The following MAP4K3 variants were observed in gnomAD, a reference collection of about 807,000 sequenced individuals.
The protein encoded by MAP4K3 is MAPK/ERK kinase kinase kinase 3.
Under a neutral mutation model 143.5 loss-of-function variants are expected in MAP4K3, and 94 were observed. That is an observed-to-expected ratio of 0.65 (90% CI 0.55 to 0.78). The LOEUF (loss-of-function observed/expected upper bound fraction) is 0.78, where lower values mean the gene tolerates loss of function less well. Among genes scored for constraint, MAP4K3 ranks in the 30% least tolerant of loss-of-function variants. The pLI, the probability that MAP4K3 is intolerant of heterozygous loss-of-function variation, is 0.00. For missense variants in MAP4K3, 1,077 were observed against 1,068.1 expected, an observed-to-expected ratio of 1.01 and a Z score of -0.12; for synonymous variants, 416 against 347.2, an observed-to-expected ratio of 1.20 and a Z score of -2.20.
chr2:39,369,494 C>T (rs1666022654), intron 2 of MAP4K3, among the ~76,000 whole-genome samples: 1 of 152,080 alleles, frequency 6.6e-6, no homozygotes. Flanking sequence ...ATCAGTTTTC[C>T]ACTTCTTATT....
At chr2:39,325,397 C>G in intron 12 of MAP4K3, 121 bp downstream of exon 12, 1 of 561,648 alleles carries the variant, frequency 1.8e-6, no homozygotes, top group Non-Finnish European at 3.1e-6. Flanking sequence ...CCCTCAAGAG[C>G]TTTTTTATTT....
chr2:39,257,437 A>G (rs1680386362), intron 31 of MAP4K3, among the ~76,000 whole-genome samples: 1 of 152,232 alleles, frequency 6.6e-6, no homozygotes, highest in Non-Finnish European at 1.5e-5. Flanking sequence ...ACTAAATTTT[A>G]AAGCACTTAT....
intron 12 of MAP4K3, among the ~76,000 whole-genome samples, chr2:39,319,633 T>C (rs1054458718): frequency 6.6e-6 from 1 of 152,202 alleles, no homozygotes; most frequent in African/African-American, 2.4e-5. Context: ...CAAACATCTC[T>C]TAAAATTCAA....
chr2:39,396,789 T>C (rs887482873), intron 1 of MAP4K3, among the ~76,000 whole-genome samples: 1 of 152,210 alleles, frequency 6.6e-6, no homozygotes, highest in Non-Finnish European at 1.5e-5. Flanking sequence ...TTTTAACTTA[T>C]GAAAGTTTTT....
At chr2:39,304,094 G>A (rs548454663) in intron 15 of MAP4K3, among the ~76,000 whole-genome samples, 1 of 150,100 alleles carries the variant, frequency 6.7e-6, no homozygotes, top group East Asian at 1.9e-4. Context: ...TTCTCATACT[G>A]TCAATTCTAA....
chr2:39,250,542 C>T lies in MAP4K3; in HGVS notation c.*76G>A, dbSNP rs966960737. 5.2e-6 allele frequency: 7 copies of T among 1,342,080 alleles called. No homozygotes were observed. In the African/African-American group the frequency reaches 7.3e-5, roughly 14 times the overall value. The allele number at this position is 1,342,080 out of a possible 1,614,324, so 83.1% of individuals were successfully genotyped here. ...AAGACAGGTTACTGCAGCTTTTGTA[C>T]AGCTTCAAGCATCCATTAATGTTGC... On this transcript the variant is annotated 3_prime_UTR_variant, in exon 34 of 34. Coordinates refer to ENST00000263881, the MANE Select transcript of MAP4K3 (RefSeq NM_003618.4).
chr2:39,308,223 G>C (rs972652480), intron 14 of MAP4K3, among the ~76,000 whole-genome samples: 1 of 152,096 alleles, frequency 6.6e-6, no homozygotes, highest in African/African-American at 2.4e-5. Flanking sequence ...TTTAAATACA[G>C]GCAATGCCAA....
At chr2:39,307,671 A>C (rs1455950289) in intron 15 of MAP4K3, among the ~76,000 whole-genome samples, 3 of 151,906 alleles carry the variant, frequency 2.0e-5, no homozygotes, top group Non-Finnish European at 4.4e-5. Flanking sequence ...CATTTCTTAA[A>C]AAAAAAACCC....
At chr2:39,330,650 C>A (rs991692372) in intron 8 of MAP4K3, among the ~76,000 whole-genome samples, 1 of 151,864 alleles carries the variant, frequency 6.6e-6, no homozygotes, top group East Asian at 1.9e-4. Context: ...AAAACAAAAA[C>A]AAAAATAAAG....
At chr2:39,275,881 A>G (rs1023957902) in intron 24 of MAP4K3, among the ~76,000 whole-genome samples, 4 of 151,694 alleles carry the variant, frequency 2.6e-5, no homozygotes, top group Non-Finnish European at 4.4e-5. Context: ...TTTTATTTTT[A>G]TTTTGTTTTG....
chr2:39,274,033 G>A (rs1342029380), intron 24 of MAP4K3, among the ~76,000 whole-genome samples: 4 of 152,060 alleles, frequency 2.6e-5, no homozygotes, highest in Non-Finnish European at 4.4e-5. Context: ...ATACTACATC[G>A]ATGGTTTACT....
chr2:39,418,859 A>G (rs985325272), intron 1 of MAP4K3, among the ~76,000 whole-genome samples: 4 of 152,246 alleles, frequency 2.6e-5, no homozygotes, highest in Non-Finnish European at 5.9e-5. Context: ...TTAAGGGGAC[A>G]TAGTAACTAG....
chr2:39,373,003 C>A (rs1293643800), intron 2 of MAP4K3, among the ~76,000 whole-genome samples: 2 of 152,106 alleles, frequency 1.3e-5, no homozygotes, highest in Non-Finnish European at 2.9e-5. Context: ...GAAGAGACAA[C>A]CCCATGAATG....
At position 39,334,502 on chromosome 2, in the gene MAP4K3, C is replaced by T. The variant is rs549136346; in HGVS notation, c.415-928G>A. 2.0e-5 allele frequency among the ~76,000 whole-genome samples: 3 copies of T among 152,220 alleles called. No homozygotes were observed. In the South Asian group the frequency reaches 6.2e-4, roughly 32 times the overall value. The stretch of plus-strand genomic sequence containing the variant: ...ACCAGTGAAGCTGAGCTGCACCCAC[C>T]CACTGATACTACTGTAGCTCTGTGG... On this transcript the variant is annotated intron_variant, in intron 6 of 33. Coordinates refer to ENST00000263881, the MANE Select transcript of MAP4K3 (RefSeq NM_003618.4).
chr2:39,315,054 T>G (rs931338220), intron 13 of MAP4K3, among the ~76,000 whole-genome samples: 1 of 152,164 alleles, frequency 6.6e-6, no homozygotes, highest in African/African-American at 2.4e-5. Flanking sequence ...GGCACTGCCT[T>G]AATTACTTCT....
chr2:39,357,610 T>C (rs1429063272), intron 2 of MAP4K3, among the ~76,000 whole-genome samples: 1 of 152,236 alleles, frequency 6.6e-6, no homozygotes, highest in East Asian at 1.9e-4. Flanking sequence ...TGCGTTGATA[T>C]GAGCACAAAA....
intron 2 of MAP4K3, among the ~76,000 whole-genome samples, chr2:39,361,340 ATAT>A (rs1297107712): frequency 6.6e-6 from 1 of 152,046 alleles, no homozygotes; most frequent in Non-Finnish European, 1.5e-5. Flanking sequence ...CACACTTAAC[ATAT>A]TATATGTTTA....
intron 2 of MAP4K3, among the ~76,000 whole-genome samples, chr2:39,374,930 A>C (rs1187742360): frequency 6.6e-6 from 1 of 152,160 alleles, no homozygotes. Context: ...TTTCAGACTT[A>C]ATTTTTGTTT....
At position 39,378,051 on chromosome 2, in the gene MAP4K3, T is replaced by C; in HGVS notation, c.154+15A>G. The C allele has an allele frequency of 2.0e-6, 3 of 1,498,476 alleles. No individual in the cohort carries two copies. The highest frequency in any genetic ancestry group is 2.8e-6 in the Non-Finnish European group (3 of 1,085,138). 92.8% of individuals were successfully genotyped at this position (1,498,476 alleles called of 1,614,324 possible). A position where few individuals can be genotyped will look rare whatever the true frequency, so the allele number is the denominator to read the frequency against. ...CTTTCTAGCAGTAAGAAAAAATGAATTTCAAACAATTTACCTGGTTCCAAT... is the reference window on the plus strand; with the variant it reads ...CTTTCTAGCAGTAAGAAAAAATGAACTTCAAACAATTTACCTGGTTCCAAT... On this transcript the variant is annotated intron_variant, in intron 2 of 33. Coordinates refer to ENST00000263881, the MANE Select transcript of MAP4K3 (RefSeq NM_003618.4).
Sources: gnomAD v4.1 joint callset for allele counts (sites outside exome capture counted in the v4.1 genomes callset) on GRCh38, gnomAD v4.1.1 for gene constraint, MANE v1.5 for transcripts, NCBI Gene and HGNC (gene_info 2026-07-23, HGNC 2026-07-21) for gene names.